UBAP2L: variants seen among roughly 807,000 people sequenced by gnomAD.
UBAP2L encodes the protein ubiquitin-associated protein 2-like.
In UBAP2L, 12 loss-of-function variants were observed where a neutral mutation model predicts 130.6. The ratio of observed to expected loss-of-function variants is 0.09; its 90% CI spans 0.06 to 0.15. UBAP2L has a LOEUF of 0.15. UBAP2L is among the 10% of genes least tolerant of loss of function. UBAP2L has a pLI of 1.00. For missense variants in UBAP2L, 965 were observed against 1,332.5 expected (o/e 0.72, Z 4.29); for synonymous variants, 503 against 524.7 (o/e 0.96, Z 0.57).
At chr1:154,265,537 A>T (rs1433498920) in intron 24 of UBAP2L, among the ~76,000 whole-genome samples, 4 of 152,232 alleles carry the variant, frequency 2.6e-5, no homozygotes, top group Non-Finnish European at 5.9e-5. Context: ...AATGGAAAGT[A>T]TAAAAGATGT....
rs369492044 is a variant in UBAP2L, at chr1:154,251,236, C to T, written c.1409C>T (p.Ser470Phe). The change falls in exon 13 of 27, where the codon TCT becomes TTT. Residue 470 changes from serine to phenylalanine, a missense_variant. By Grantham distance (155) the Ser-to-Phe change is radical (BLOSUM62 -2). This residue lies in a region of UBAP2L where 74 missense variants were observed against 97.1 expected (regional missense o/e 0.76). Transcript: ENST00000428931. ...TCGGCTCCACAGATGTCGCCTGGATCTTCAGACAACCAGTCCTCTAGCCCT... is the reference window on the plus strand; with the variant it reads ...TCGGCTCCACAGATGTCGCCTGGATTTTCAGACAACCAGTCCTCTAGCCCT... ...STSAPQMSPGSSDNQSSSPQP... is the reference protein window; with the variant it reads ...STSAPQMSPGFSDNQSSSPQP... 7 of 1,614,058 alleles carry T rather than the reference C, an allele frequency of 4.3e-6. No individual in the cohort carries two copies. Among genetic ancestry groups the T allele is most frequent in the Non-Finnish European group, 5.9e-6 (7 of 1,180,050 alleles).
At chr1:154,235,822 A>G (rs1671486116) in intron 6 of UBAP2L, among the ~76,000 whole-genome samples, 1 of 152,082 alleles carries the variant, frequency 6.6e-6, no homozygotes, top group Non-Finnish European at 1.5e-5. Context: ...GGTGGTCTCA[A>G]ACTCCTGGCT....
At chr1:154,246,408 C>T in intron 11 of UBAP2L, 33 bp downstream of exon 11, 1 of 1,590,834 alleles carries the variant, frequency 6.3e-7, no homozygotes, top group Non-Finnish European at 8.6e-7. Flanking sequence ...CCTAATCAAA[C>T]CTTCCTGCTA....
At chr1:154,240,665 A>T (rs896473670) in intron 8 of UBAP2L, among the ~76,000 whole-genome samples, 2 of 152,136 alleles carry the variant, frequency 1.3e-5, no homozygotes, top group African/African-American at 4.8e-5. Flanking sequence ...CTCATAGCAG[A>T]TAGTTTTCAA....
intron 22 of UBAP2L, 27 bp downstream of exon 22, chr1:154,260,056 T>C (rs374542897): frequency 1.6e-5 from 26 of 1,606,852 alleles, no homozygotes; most frequent in Non-Finnish European, 2.0e-5. Context: ...ACTAAATAAA[T>C]AAAAAGGGAG....
intron 13 of UBAP2L, 77 bp downstream of exon 13, chr1:154,251,395 T>C: frequency 6.3e-7 from 1 of 1,575,068 alleles, no homozygotes; most frequent in Non-Finnish European, 8.6e-7. Context: ...AAGGGTAAGT[T>C]TGGAAATTTA....
At chr1:154,247,721 C>A (rs79665499) in intron 11 of UBAP2L, among the ~76,000 whole-genome samples, 4,573 of 150,852 alleles carry the variant, frequency 0.03, 234 homozygotes, top group African/African-American at 0.11. Flanking sequence ...AGAATGAAAC[C>A]CTTTCTCTAA....
At chr1:154,235,093 A>G (rs1158316611) in intron 5 of UBAP2L, 103 bp from the exon 6 acceptor site, 2 of 678,304 alleles carry the variant, frequency 2.9e-6, no homozygotes, top group African/African-American at 1.8e-5. Context: ...ACCATATTAC[A>G]TACCATTTAT....
rs1308099456 is a variant in UBAP2L at position 154,234,755 on chromosome 1, A to G, written c.444A>G (p.Arg148=). The G allele has an allele frequency of 6.3e-7, 1 of 1,589,614 alleles. No homozygotes were observed. Among genetic ancestry groups the G allele is most frequent in the Non-Finnish European group, 8.6e-7 (1 of 1,167,040 alleles). ...GGGGGAGAGGTGCCAGCCGTGGACG[A>G]GAGTGTATGCATGGGGCTTTATCAA... The part of the protein sequence containing the change: ...PRRGRGASRG[R]EFRGQENGLD... The change falls in exon 5 of 27, where the codon CGA becomes CGG. Residue 148 remains arginine, a synonymous_variant. Transcript: ENST00000428931.
intron 2 of UBAP2L, among the ~76,000 whole-genome samples, chr1:154,226,080 C>T (rs1470212334): frequency 6.6e-6 from 1 of 152,236 alleles, no homozygotes. Context: ...TCCCAGAGTA[C>T]TGGGATTATA....
At chr1:154,229,943 C>T (rs1036218980) in intron 4 of UBAP2L, among the ~76,000 whole-genome samples, 1 of 152,048 alleles carries the variant, frequency 6.6e-6, no homozygotes, top group South Asian at 2.1e-4. Flanking sequence ...GCAGCCTCCA[C>T]CTCCCAGGTT....
intron 24 of UBAP2L, among the ~76,000 whole-genome samples, chr1:154,265,067 A>G (rs1407144100): frequency 2.0e-5 from 3 of 152,214 alleles, no homozygotes; most frequent in Non-Finnish European, 4.4e-5. Flanking sequence ...GAGATGAGGA[A>G]GTATTTTCTC....
Position 154,270,785 on chromosome 1 carries a change from TTGTACTG to T in UBAP2L, c.*494_*500del. ...TTTTTTTTTTGTTTTTTTTTTTTTTTTGTACTGTGTCCTCAAATTTAATGGATTAATG... is the reference window on the plus strand; with the variant it reads ...TTTTTTTTTTGTTTTTTTTTTTTTTTTGTCCTCAAATTTAATGGATTAATG... On this transcript the variant is annotated 3_prime_UTR_variant, in exon 27 of 27. Transcript: ENST00000428931. The T allele has an allele frequency of 7.7e-7, 1 of 1,306,158 alleles. No homozygotes were observed. Among genetic ancestry groups the T allele is most frequent in the Non-Finnish European group, 9.9e-7 (1 of 1,014,348 alleles). 80.9% of individuals were successfully genotyped at this position (1,306,158 alleles called of 1,614,324 possible). A position where few individuals can be genotyped will look rare whatever the true frequency, so the allele number is the denominator to read the frequency against.
chr1:154,265,045 G>C (rs1423884222), intron 24 of UBAP2L, among the ~76,000 whole-genome samples: 1 of 152,232 alleles, frequency 6.6e-6, no homozygotes, highest in African/African-American at 2.4e-5. Flanking sequence ...TCTTTAGACA[G>C]TTGATGCTTC....
intron 24 of UBAP2L, among the ~76,000 whole-genome samples, chr1:154,263,877 A>G (rs1298322245): frequency 1.3e-5 from 2 of 152,192 alleles, no homozygotes; most frequent in Non-Finnish European, 2.9e-5. Flanking sequence ...AGTATCTTTC[A>G]AGGCTTAATT....
intron 11 of UBAP2L, among the ~76,000 whole-genome samples, chr1:154,248,494 T>C (rs1355236531): frequency 6.6e-6 from 1 of 152,220 alleles, no homozygotes; most frequent in Non-Finnish European, 1.5e-5. Context: ...AAATCTTATA[T>C]TACATTTATG....
At chr1:154,260,149 C>A in intron 22 of UBAP2L, 120 bp downstream of exon 22, 2 of 1,098,510 alleles carry the variant, frequency 1.8e-6, no homozygotes, top group Non-Finnish European at 2.7e-6. Flanking sequence ...CAAAATCCTG[C>A]TAAAGTTGGG....
At chr1:154,257,520 G>A (rs1225453001) in intron 20 of UBAP2L, 86 bp downstream of exon 20, 1 of 1,447,178 alleles carries the variant, frequency 6.9e-7, no homozygotes, top group Non-Finnish European at 9.6e-7. Context: ...GGACCCCTGT[G>A]AATACCAAAA....
intron 2 of UBAP2L, among the ~76,000 whole-genome samples, chr1:154,226,488 CT>C (rs1667975074): frequency 2.0e-5 from 3 of 152,126 alleles, no homozygotes. Flanking sequence ...TTTCTTTCAT[CT>C]GTGTTTTCAA....
Sources: gnomAD v4.1 joint callset for allele counts (sites outside exome capture counted in the v4.1 genomes callset) on GRCh38, gnomAD v4.1.1 for gene constraint, gnomAD v4.1.1 regional missense constraint, MANE v1.5 for transcripts, NCBI Gene and HGNC (gene_info 2026-07-23, HGNC 2026-07-21) for gene names.